The following GPC5 variants were observed in gnomAD, a reference collection of about 807,000 sequenced individuals.
GPC5 encodes the protein glypican-5.
GPC5 carries 47 observed loss-of-function variants against 53.9 expected under a neutral mutation model. The ratio of observed to expected loss-of-function variants is 0.87; its 90% CI spans 0.69 to 1.11. The LOEUF is 1.11. GPC5 is among the 50% of genes most tolerant of loss of function. GPC5 has a pLI of 0.00. For synonymous variants in GPC5, 286 were observed against 263.3 expected, an observed-to-expected ratio of 1.09 and a Z score of -0.84; for missense variants, 748 against 713.1, an observed-to-expected ratio of 1.05 and a Z score of -0.56.
At chr13:91,456,522 G>A (rs191068575) in intron 2 of GPC5, among the ~76,000 whole-genome samples, 100 of 151,614 alleles carry the variant, frequency 6.6e-4, no homozygotes, top group Non-Finnish European at 1.1e-3. Flanking sequence ...GTATTTAAAT[G>A]ATTTTTTATT....
Position 92,207,492 on chromosome 13 carries a change from G to T in GPC5, c.1561+62503G>T, listed in dbSNP as rs534183338. On this transcript the variant is annotated intron_variant, in intron 7 of 7. Transcript: ENST00000377067. ...AAAAAAGTCTAGTCCTACACTATCT[G>T]CTTTTCCCTCCACCATAATATAGTT... Among the ~76,000 whole-genome samples the T allele has an allele frequency of 2.0e-5, 3 of 152,256 alleles. No homozygotes were observed. The East Asian group carries it at 5.8e-4, about 29-fold the overall frequency.
rs185153530 is a variant in GPC5 at position 91,766,120 on chromosome 13, C to G, written c.1280+9700C>G. On this transcript the variant is annotated intron_variant, in intron 5 of 7. Transcript: ENST00000377067. ...GACATAAGTCCATCTCTCATGTAGA[C>G]TAGGATATAGAAGAGAAGAACACAG... Among the ~76,000 whole-genome samples the G allele has an allele frequency of 2.5e-3, 376 of 152,244 alleles. 3 individuals carry two copies. Among genetic ancestry groups the G allele is most frequent in the African/African-American group, 8.6e-3 (358 of 41,538 alleles).
intron 6 of GPC5, among the ~76,000 whole-genome samples, chr13:92,139,979 T>C (rs2041818135): frequency 6.6e-6 from 1 of 152,190 alleles, no homozygotes; most frequent in Admixed American, 6.5e-5. Flanking sequence ...ATTCTTACCT[T>C]TGAGAAATTT....
At chr13:91,674,407 A>C (rs2035321903) in intron 2 of GPC5, among the ~76,000 whole-genome samples, 1 of 151,030 alleles carries the variant, frequency 6.6e-6, no homozygotes, top group Admixed American at 6.6e-5. Context: ...ACACATATAT[A>C]TATATACACA....
chr13:91,488,306 G>A (rs57226309), intron 2 of GPC5, among the ~76,000 whole-genome samples: 3,512 of 152,150 alleles, frequency 0.023, 133 homozygotes, highest in African/African-American at 0.079. Flanking sequence ...AAACTAACCC[G>A]CTTGTAAGTT....
At chr13:92,834,339 A>C (rs1243755355) in intron 7 of GPC5, among the ~76,000 whole-genome samples, 1 of 152,182 alleles carries the variant, frequency 6.6e-6, no homozygotes, top group African/African-American at 2.4e-5. Context: ...ATAAGATTTT[A>C]AAAGCGGAAC....
chr13:91,694,983 C>T (rs1445873831), intron 3 of GPC5, among the ~76,000 whole-genome samples: 2 of 152,184 alleles, frequency 1.3e-5, no homozygotes, highest in African/African-American at 4.8e-5. Context: ...AGCTTTATGT[C>T]CAAACGCGTT....
chr13:91,590,015 A>T (rs2032738911), intron 2 of GPC5, among the ~76,000 whole-genome samples: 1 of 151,944 alleles, frequency 6.6e-6, no homozygotes, highest in South Asian at 2.1e-4. Context: ...TATTATGTAA[A>T]TGCTTTTGAA....
rs1224953199 is a variant in GPC5 at position 92,459,554 on chromosome 13, C to A, written c.1561+314565C>A. On this transcript the variant is annotated intron_variant, in intron 7 of 7. Coordinates refer to ENST00000377067, the MANE Select transcript of GPC5 (RefSeq NM_004466.6). ...GACAAATTTTCCCCTGACAGCTGGA[C>A]GATTGTTCACAGTGGCCAAATGAGA... Among the ~76,000 whole-genome samples, 5 of 152,248 alleles carry A rather than the reference C, an allele frequency of 3.3e-5. No homozygotes were observed. In the South Asian group the frequency reaches 1.0e-3, roughly 32 times the overall value.
intron 2 of GPC5, among the ~76,000 whole-genome samples, chr13:91,590,182 T>C (rs1233708240): frequency 6.6e-6 from 1 of 151,836 alleles, no homozygotes; most frequent in Admixed American, 6.6e-5. Flanking sequence ...GGAAAAATTC[T>C]TTATTTGATA....
intron 7 of GPC5, among the ~76,000 whole-genome samples, chr13:92,430,864 T>C (rs1292159375): frequency 1.3e-5 from 2 of 151,950 alleles, no homozygotes; most frequent in Admixed American, 1.3e-4. Context: ...GATAAACAAA[T>C]GTAAAGCTTT....
At chr13:91,895,457 C>T (rs780679286) in intron 5 of GPC5, among the ~76,000 whole-genome samples, 7 of 152,172 alleles carry the variant, frequency 4.6e-5, no homozygotes, top group Non-Finnish European at 1.0e-4. Flanking sequence ...GACAAGCAGT[C>T]TCTGGGCAGA....
intron 6 of GPC5, among the ~76,000 whole-genome samples, chr13:92,086,143 T>C (rs978318586): frequency 9.2e-5 from 14 of 152,250 alleles, no homozygotes; most frequent in East Asian, 5.8e-4. Context: ...AAGGGTCAGA[T>C]GTTGCTGGCA....
intron 6 of GPC5, among the ~76,000 whole-genome samples, chr13:92,035,107 C>T (rs1464654444): frequency 2.0e-5 from 3 of 150,594 alleles, no homozygotes; most frequent in East Asian, 4.0e-4. Flanking sequence ...CCCAGCTACT[C>T]GGGAGGCTGA....
At chr13:92,823,660 G>T (rs1877747185) in intron 7 of GPC5, among the ~76,000 whole-genome samples, 1 of 152,056 alleles carries the variant, frequency 6.6e-6, no homozygotes, top group Non-Finnish European at 1.5e-5. Flanking sequence ...TTAACAAGAT[G>T]TGTTTACTAG....
chr13:92,019,416 T>C (rs1345742296), intron 6 of GPC5, among the ~76,000 whole-genome samples: 1 of 152,128 alleles, frequency 6.6e-6, no homozygotes, highest in East Asian at 1.9e-4. Flanking sequence ...TGAATGTGTG[T>C]GTGTATATAA....
At chr13:92,684,254 C>CT (rs1566362607) in intron 7 of GPC5, among the ~76,000 whole-genome samples, 1 of 151,728 alleles carries the variant, frequency 6.6e-6, no homozygotes, top group African/African-American at 2.4e-5. Flanking sequence ...CTTTCTTTCT[C>CT]TTTTTTATTT....
At chr13:92,212,604 G>A (rs546761208) in intron 7 of GPC5, among the ~76,000 whole-genome samples, 1 of 152,228 alleles carries the variant, frequency 6.6e-6, no homozygotes, top group East Asian at 1.9e-4. Flanking sequence ...GAGATGTGGG[G>A]GACCCTAAGT....
At chr13:92,600,936 TTTTATCTC>T (rs768543793) in intron 7 of GPC5, among the ~76,000 whole-genome samples, 10 of 152,170 alleles carry the variant, frequency 6.6e-5, no homozygotes, top group Non-Finnish European at 1.2e-4. Flanking sequence ...TACCTCATGA[TTTTATCTC>T]TTTATCCTCA....
Sources: gnomAD v4.1 joint callset for allele counts (sites outside exome capture counted in the v4.1 genomes callset) on GRCh38, gnomAD v4.1.1 for gene constraint, MANE v1.5 for transcripts, NCBI Gene and HGNC (gene_info 2026-07-23, HGNC 2026-07-21) for gene names.